Variants in SYNE2 observed in about 807,000 individuals in gnomAD.
SYNE2 encodes spectrin repeat containing nuclear envelope protein 2.
Under a neutral mutation model 856.3 loss-of-function variants are expected in SYNE2, and 431 were observed. The ratio of observed to expected loss-of-function variants is 0.50; its 90% CI spans 0.47 to 0.55. The LOEUF (loss-of-function observed/expected upper bound fraction) is 0.55, where lower values mean the gene tolerates loss of function less well. Among genes scored for constraint, SYNE2 ranks in the 20% least tolerant of loss-of-function variants. The pLI is 0.00. For missense variants in SYNE2, 8,129 were observed against 8,023.2 expected (o/e 1.01, Z -0.50); for synonymous variants, 2,923 against 2,872.3 (o/e 1.02, Z -0.56).
chr14:63,810,744 A>T (rs1888584571), intron 1 of SYNE2, among the ~76,000 whole-genome samples: 1 of 152,224 alleles, frequency 6.6e-6, no homozygotes, highest in African/African-American at 2.4e-5. Context: ...TCTATAGCTT[A>T]TAGCAATTTA....
chr14:64,106,404 CT>C (rs1287085380), intron 64 of SYNE2, among the ~76,000 whole-genome samples: 1 of 152,172 alleles, frequency 6.6e-6, no homozygotes, highest in Non-Finnish European at 1.5e-5. Context: ...AATCCCAGCA[CT>C]TTGGGAGGCC....
rs367706980 is a variant in SYNE2, at chr14:64,079,086, G to T, written c.11163+480G>T. 3.8e-4 allele frequency among the ~76,000 whole-genome samples: 58 copies of T among 152,116 alleles called. 2 individuals carry two copies. In the South Asian group the frequency reaches 0.012, roughly 31 times the overall value. On this transcript the variant is annotated intron_variant, in intron 55 of 115. Transcript: ENST00000555002. ...GACTCTGTCTCAAAAAAATAATTCT[G>T]TTTTTCCATGGTGGGCATATACCCA...
intron 45 of SYNE2, among the ~76,000 whole-genome samples, chr14:64,034,160 CAATAT>C (rs1388539650): frequency 6.6e-6 from 1 of 152,058 alleles, no homozygotes; most frequent in African/African-American, 2.4e-5. Context: ...GCTGGATTCT[CAATAT>C]AATGAATACG....
At chr14:64,127,536 CG>C (rs1166523497) in intron 73 of SYNE2, among the ~76,000 whole-genome samples, 1 of 151,884 alleles carries the variant, frequency 6.6e-6, no homozygotes, top group Admixed American at 6.6e-5. Flanking sequence ...AATGGTGGGG[CG>C]GGGGAGGCAT....
rs11629287 is a variant in SYNE2 at position 64,146,127 on chromosome 14, C to T, written c.15543C>T (p.Ile5181=). ...CTGAGAGTGAAAATAAAATACAGAT[C>T]TTGAACAACTGGCTGGAAGCACAAG... ...SITESENKIQ[I]LNNWLEAQEE... The change falls in exon 84 of 116, where the codon ATC becomes ATT. Residue 5181 remains isoleucine (I), a synonymous_variant. Coordinates refer to ENST00000555002, the MANE Select transcript of SYNE2 (RefSeq NM_182914.3). The T allele has an allele frequency of 0.35, 557,092 of 1,600,702 alleles. 99,823 individuals carry two copies. Among genetic ancestry groups the T allele is most frequent in the African/African-American group, 0.53 (39,555 of 74,456 alleles).
At chr14:64,030,235 C>G (rs1419600796) in intron 44 of SYNE2, among the ~76,000 whole-genome samples, 176 bp downstream of exon 44, 2 of 152,156 alleles carry the variant, frequency 1.3e-5, no homozygotes, top group Non-Finnish European at 2.9e-5. Context: ...TGGACAAATC[C>G]ATTTATAATT....
chr14:64,105,027 A>G (rs895063909), intron 64 of SYNE2, among the ~76,000 whole-genome samples: 9 of 152,134 alleles, frequency 5.9e-5, no homozygotes, highest in Non-Finnish European at 1.5e-5. Context: ...GAGTTCTACT[A>G]GGTGCCTCAT....
chr14:63,768,523 T>C (rs1009069765), intron 1 of SYNE2, among the ~76,000 whole-genome samples: 1 of 152,210 alleles, frequency 6.6e-6, no homozygotes, highest in Non-Finnish European at 1.5e-5. Flanking sequence ...TAGAGCCTCA[T>C]TAGTTCAATA....
At chr14:63,890,864 G>A (rs1347177530) in intron 1 of SYNE2, among the ~76,000 whole-genome samples, 2 of 152,194 alleles carry the variant, frequency 1.3e-5, no homozygotes, top group East Asian at 3.9e-4. Context: ...ACTTCTCCAG[G>A]CAGTTAGTTA....
Position 64,096,405 on chromosome 14 carries a change from A to C in SYNE2, c.12109-1544A>C, listed in dbSNP as rs140530343. Among the ~76,000 whole-genome samples the C allele has an allele frequency of 3.3e-5, 5 of 152,340 alleles. No homozygotes were observed. In the East Asian group the frequency reaches 9.6e-4, roughly 29 times the overall value. On this transcript the variant is annotated intron_variant, in intron 61 of 115. Coordinates refer to ENST00000555002, the MANE Select transcript of SYNE2 (RefSeq NM_182914.3). ...GGCAAATAACATTTTAGTATTATGA[A>C]AATGATCTGGACCTCATGGACTGTG...
intron 10 of SYNE2, among the ~76,000 whole-genome samples, chr14:63,965,908 C>T (rs2096384764): frequency 6.6e-6 from 1 of 152,108 alleles, no homozygotes; most frequent in Non-Finnish European, 1.5e-5. Flanking sequence ...GTATTGTTCT[C>T]ACATATGTCT....
chr14:64,200,612 G>A (rs966515802), intron 99 of SYNE2, among the ~76,000 whole-genome samples: 1 of 152,200 alleles, frequency 6.6e-6, no homozygotes, highest in Non-Finnish European at 1.5e-5. Flanking sequence ...CCTGGATTCT[G>A]TTACTTTCTT....
At chr14:63,817,501 CAAAA>C (rs1382768197) in intron 1 of SYNE2, among the ~76,000 whole-genome samples, 1 of 151,598 alleles carries the variant, frequency 6.6e-6, no homozygotes, top group Non-Finnish European at 1.5e-5. Context: ...AACAAACAAA[CAAAA>C]AAAGACGTAG....
At chr14:64,145,449 A>G (rs1171998373) in intron 83 of SYNE2, among the ~76,000 whole-genome samples, 1 of 150,088 alleles carries the variant, frequency 6.7e-6, no homozygotes, top group Non-Finnish European at 1.5e-5. Flanking sequence ...TGGAGGTTGC[A>G]GTGAGCCGAG....
At chr14:63,769,630 C>G (rs913372664) in intron 1 of SYNE2, among the ~76,000 whole-genome samples, 9 of 136,450 alleles carry the variant, frequency 6.6e-5, no homozygotes, top group Admixed American at 2.5e-4. Flanking sequence ...GATCGCGCCA[C>G]TGCACTCCAG....
At chr14:63,966,088 AT>A (rs1376187941) in intron 10 of SYNE2, among the ~76,000 whole-genome samples, 3 of 152,228 alleles carry the variant, frequency 2.0e-5, no homozygotes. Context: ...CATTTAAAAC[AT>A]TAATGCTGAT....
chr14:63,904,570 G>A (rs745338042), intron 1 of SYNE2, among the ~76,000 whole-genome samples: 4 of 152,104 alleles, frequency 2.6e-5, no homozygotes, highest in Admixed American at 6.5e-5. Flanking sequence ...CTGATAATTA[G>A]TGATGATAAG....
chr14:63,941,427 G>A (rs1363762988), intron 3 of SYNE2, among the ~76,000 whole-genome samples: 1 of 152,182 alleles, frequency 6.6e-6, no homozygotes, highest in East Asian at 1.9e-4. Flanking sequence ...AGTCTTTAAT[G>A]CCACTTGTGT....
intron 54 of SYNE2, among the ~76,000 whole-genome samples, chr14:64,076,619 G>A (rs1253901893): frequency 1.3e-5 from 2 of 152,138 alleles, no homozygotes; most frequent in South Asian, 2.1e-4. Context: ...TAAAGAAAAG[G>A]TGGAAAATAT....
Sources: gnomAD v4.1 joint callset for allele counts (sites outside exome capture counted in the v4.1 genomes callset) on GRCh38, gnomAD v4.1.1 for gene constraint, MANE v1.5 for transcripts, NCBI Gene and HGNC (gene_info 2026-07-23, HGNC 2026-07-21) for gene names.